The following PHLPP1 variants were observed in gnomAD, a reference collection of about 807,000 sequenced individuals.
The protein encoded by PHLPP1 is PH domain leucine-rich repeat-containing protein phosphatase 1.
Under a neutral mutation model 117.2 loss-of-function variants are expected in PHLPP1, and 42 were observed. The observed-to-expected ratio is 0.36, with a 90% CI of 0.28 to 0.46. PHLPP1 has a LOEUF of 0.46. Ranked by LOEUF, PHLPP1 falls within the 20% of genes least tolerant of loss-of-function variation. PHLPP1 has a pLI of 1.00. For missense variants in PHLPP1, 2,084 were observed against 2,241.9 expected, an observed-to-expected ratio of 0.93 and a Z score of 1.42; for synonymous variants, 1,042 against 970.7, an observed-to-expected ratio of 1.07 and a Z score of -1.37.
intron 1 of PHLPP1, among the ~76,000 whole-genome samples, chr18:62,817,267 A>G (rs1041743145): frequency 2.0e-5 from 3 of 152,240 alleles, no homozygotes; most frequent in Non-Finnish European, 4.4e-5. Context: ...CTAACACAGA[A>G]ATGATACAAA....
chr18:62,896,129 A>G (rs987730916), intron 6 of PHLPP1, 118 bp downstream of exon 6: 6 of 634,452 alleles, frequency 9.5e-6, no homozygotes, highest in Non-Finnish European at 2.8e-6. Context: ...CCGTTTTTCT[A>G]TTTCTGCCTA....
At chr18:62,894,232 G>A (rs1308037911) in intron 4 of PHLPP1, among the ~76,000 whole-genome samples, 2 of 152,182 alleles carry the variant, frequency 1.3e-5, no homozygotes, top group Non-Finnish European at 1.5e-5. Context: ...GTGTCACTCT[G>A]TCGCCCAGGC....
rs1910744531 is a variant in PHLPP1, at chr18:62,716,564, C to T, written c.881C>T (p.Pro294Leu). Residue 294 changes from proline to leucine, a missense_variant, in exon 1 of 17, where the codon CCT becomes CTT. By Grantham distance (98) the Pro-to-Leu change is moderately conservative. Coordinates refer to ENST00000262719, the MANE Select transcript of PHLPP1 (RefSeq NM_194449.4). This position sits in a 1 kb window ranked among gnomAD's most constrained non-coding sequence, Gnocchi z 5.7. ...ARSAPGAFGG[P>L]PRAPPADLPL... ...AGCGCGCCGGGTGCCTTCGGGGGGC[C>T]TCCGCGCGCGCCCCCCGCCGACCTA... 6 of 1,196,344 alleles carry T rather than the reference C, an allele frequency of 5.0e-6. No homozygotes were observed. Among genetic ancestry groups the T allele is most frequent in the East Asian group, 3.5e-5 (1 of 28,358 alleles). The allele number at this position is 1,196,344 out of a possible 1,614,324, so 74.1% of individuals were successfully genotyped here. A position where few individuals can be genotyped will look rare whatever the true frequency, so the allele number is the denominator to read the frequency against.
Position 62,980,046 on chromosome 18 carries a change from G to A in PHLPP1, c.*615G>A, listed in dbSNP as rs912355664. ...CTCAGTGTTGTATAGTGAGGCTTAC[G>A]ATGTTTTGTAGTCTTGGCGTAAGGA... On this transcript the variant is annotated 3_prime_UTR_variant, in exon 17 of 17. Transcript: ENST00000262719. The A allele has an allele frequency of 6.5e-6, 1 of 152,722 alleles. No homozygotes were observed. The highest frequency in any genetic ancestry group is 1.5e-5 in the Non-Finnish European group (1 of 68,164). The allele number at this position is 152,722 out of a possible 1,614,324, so 9.5% of individuals were successfully genotyped here. A position where few individuals can be genotyped will look rare whatever the true frequency, so the allele number is the denominator to read the frequency against.
intron 1 of PHLPP1, among the ~76,000 whole-genome samples, chr18:62,772,346 A>AT (rs199690617): frequency 3.9e-5 from 6 of 151,954 alleles, no homozygotes; most frequent in Admixed American, 1.3e-4. Context: ...TGTTTTCTTT[A>AT]TTTTTTTTAA....
intron 1 of PHLPP1, among the ~76,000 whole-genome samples, chr18:62,811,858 G>A (rs532642651): frequency 6.6e-6 from 1 of 152,290 alleles, no homozygotes; most frequent in Admixed American, 6.5e-5. Flanking sequence ...TTTGAATCCA[G>A]ACTCAACATA....
At chr18:62,850,406 C>T (rs1258658160) in intron 3 of PHLPP1, among the ~76,000 whole-genome samples, 1 of 150,210 alleles carries the variant, frequency 6.7e-6, no homozygotes, top group Non-Finnish European at 1.5e-5. Context: ...GGGGGGAAAA[C>T]AAGTAGTTCA....
At chr18:62,958,847 A>T in intron 13 of PHLPP1, 88 bp downstream of exon 13, 1 of 1,446,352 alleles carries the variant, frequency 6.9e-7, no homozygotes, top group Non-Finnish European at 9.6e-7. Flanking sequence ...CAAAATATGA[A>T]GCATCATTGA....
chr18:62,824,969 T>G (rs1348960514), intron 1 of PHLPP1, among the ~76,000 whole-genome samples: 1 of 144,754 alleles, frequency 6.9e-6, no homozygotes, highest in East Asian at 2.3e-4. Flanking sequence ...CTCTGTCACC[T>G]AGGCTGGAGT....
intron 12 of PHLPP1, among the ~76,000 whole-genome samples, chr18:62,955,198 A>G (rs956892790): frequency 6.6e-6 from 1 of 152,212 alleles, no homozygotes; most frequent in Non-Finnish European, 1.5e-5. Flanking sequence ...GCACAGACAG[A>G]TGAAAGCATG....
At position 62,717,408 on chromosome 18, in the gene PHLPP1, C is replaced by G. The variant is rs1196873655; in HGVS notation, c.1576+149C>G. On this transcript the variant is annotated intron_variant, in intron 1 of 16. Coordinates refer to ENST00000262719, the MANE Select transcript of PHLPP1 (RefSeq NM_194449.4). ...AAACTTTACAGCTTTTTCATACAGTCTGTGTAGTACTAGATTGAGCAATCT... is the reference window on the plus strand; with the variant it reads ...AAACTTTACAGCTTTTTCATACAGTGTGTGTAGTACTAGATTGAGCAATCT... 3.9e-6 allele frequency: 4 copies of G among 1,027,862 alleles called. No individual in the cohort carries two copies. In the African/African-American group the frequency reaches 6.6e-5, roughly 17 times the overall value. 63.7% of individuals were successfully genotyped at this position (1,027,862 alleles called of 1,614,324 possible).
At chr18:62,929,680 G>C (rs553892682) in intron 10 of PHLPP1, among the ~76,000 whole-genome samples, 1 of 152,212 alleles carries the variant, frequency 6.6e-6, no homozygotes, top group Non-Finnish European at 1.5e-5. Flanking sequence ...GGGAGTGGTG[G>C]CTCATGCGTG....
At chr18:62,897,471 C>T (rs1441917666) in intron 6 of PHLPP1, among the ~76,000 whole-genome samples, 1 of 152,104 alleles carries the variant, frequency 6.6e-6, no homozygotes, top group Non-Finnish European at 1.5e-5. Flanking sequence ...TGTTCTAATT[C>T]TGCCTTAATA....
intron 4 of PHLPP1, among the ~76,000 whole-genome samples, chr18:62,892,241 A>G (rs1916445046): frequency 6.6e-6 from 1 of 151,506 alleles, no homozygotes; most frequent in African/African-American, 2.4e-5. Context: ...GGTGCACACC[A>G]CCACGCCCAG....
chr18:62,716,090 C>G lies in PHLPP1; in HGVS notation c.407C>G (p.Ala136Gly), dbSNP rs542055933. Reference sequence around the variant, plus strand: ...AGGAATCTGTCCGCGGCCGCCGCGGCCGCCTCCTCGTCGTCGTCGTCCTCG... The same window carrying G: ...AGGAATCTGTCCGCGGCCGCCGCGGGCGCCTCCTCGTCGTCGTCGTCCTCG... The part of the protein sequence containing the change: ...LKRNLSAAAA[A>G]ASSSSSSSAA... Residue 136 changes from alanine (A) to glycine (G), a missense_variant, in exon 1 of 17, where the codon GCC becomes GGC. Transcript: ENST00000262719. The surrounding 1 kb of genome is among the most constrained non-coding windows in gnomAD (Gnocchi z 5.7). 1.3e-6 allele frequency: 2 copies of G among 1,494,830 alleles called. No homozygotes were observed. The highest frequency in any genetic ancestry group is 1.8e-6 in the Non-Finnish European group (2 of 1,130,884). The allele number at this position is 1,494,830 out of a possible 1,614,324, so 92.6% of individuals were successfully genotyped here.
At chr18:62,835,705 T>C (rs1366920748) in intron 2 of PHLPP1, among the ~76,000 whole-genome samples, 3 of 151,996 alleles carry the variant, frequency 2.0e-5, no homozygotes, top group Non-Finnish European at 4.4e-5. Flanking sequence ...AATCCGTTAA[T>C]GTGATTAATG....
chr18:62,763,025 A>G (rs902832483), intron 1 of PHLPP1, among the ~76,000 whole-genome samples: 109 of 152,228 alleles, frequency 7.2e-4, no homozygotes, highest in Non-Finnish European at 2.9e-5. Flanking sequence ...CTTTAAATAC[A>G]CTTTGCAGCT....
At chr18:62,900,884 AT>A (rs1737278305) in intron 6 of PHLPP1, among the ~76,000 whole-genome samples, 1 of 152,220 alleles carries the variant, frequency 6.6e-6, no homozygotes, top group Non-Finnish European at 1.5e-5. Context: ...CAGTTTACGT[AT>A]ATTTCAAAAG....
intron 1 of PHLPP1, among the ~76,000 whole-genome samples, chr18:62,807,182 C>A (rs1183651639): frequency 6.6e-6 from 1 of 151,716 alleles, no homozygotes; most frequent in Non-Finnish European, 1.5e-5. Context: ...CTTTGTTATA[C>A]AAAAAAGAAA....
Sources: gnomAD v4.1 joint callset for allele counts (sites outside exome capture counted in the v4.1 genomes callset) on GRCh38, gnomAD v4.1.1 for gene constraint, Gnocchi (gnomAD v3.1) non-coding constraint, MANE v1.5 for transcripts, NCBI Gene and HGNC (gene_info 2026-07-23, HGNC 2026-07-21) for gene names.